ADH1B: variants seen among roughly 807,000 people sequenced by gnomAD.
ADH1B encodes the protein all-trans-retinol dehydrogenase [NAD(+)] ADH1B.
A neutral mutation model predicts 34.6 loss-of-function variants in ADH1B; 29 were observed. The ratio of observed to expected loss-of-function variants is 0.84; its 90% CI spans 0.62 to 1.14. The LOEUF (loss-of-function observed/expected upper bound fraction) is 1.14, where lower values mean the gene tolerates loss of function less well. Among genes scored for constraint, ADH1B ranks in the 50% most tolerant of loss-of-function variants. The pLI is 0.00. For missense variants in ADH1B, 424 were observed against 468.4 expected, an observed-to-expected ratio of 0.91 and a Z score of 0.87; for synonymous variants, 170 against 175.5, an observed-to-expected ratio of 0.97 and a Z score of 0.25.
At chr4:99,313,309 A>C (rs181233191) in intron 6 of ADH1B, among the ~76,000 whole-genome samples, 11 of 152,280 alleles carry the variant, frequency 7.2e-5, no homozygotes, top group African/African-American at 2.6e-4. Context: ...AAATACAGTG[A>C]TGTCTTAAAG....
chr4:99,313,733 C>T (rs1420891651), intron 6 of ADH1B, 88 bp downstream of exon 6: 3 of 1,600,938 alleles, frequency 1.9e-6, no homozygotes, highest in Non-Finnish European at 2.6e-6. Flanking sequence ...TTAAAAATAT[C>T]CTTTATACAT....
intron 8 of ADH1B, among the ~76,000 whole-genome samples, chr4:99,309,576 A>C (rs1271863210): frequency 6.6e-6 from 1 of 152,186 alleles, no homozygotes; most frequent in Non-Finnish European, 1.5e-5. Flanking sequence ...GATGATCCCA[A>C]TGATGATGTC....
Position 99,316,059 on chromosome 4 carries a change from TC to T in ADH1B, c.405del (p.Lys136SerfsTer120), listed in dbSNP as rs1335631744. 1.2e-6 allele frequency: 2 copies of T among 1,613,992 alleles called. No homozygotes were observed. Among genetic ancestry groups the T allele is most frequent in the Non-Finnish European group, 1.7e-6 (2 of 1,179,996 alleles). ...QDGTRRFTCR[G>X]KPIHHFLGTS... ...GTGCCAAGGAAGTGGTGAATGGGCTTCCCCCTGCAGGTGAACCTCCTGGTGC... is the reference window on the plus strand; with the variant it reads ...GTGCCAAGGAAGTGGTGAATGGGCTTCCCCTGCAGGTGAACCTCCTGGTGC... On this transcript the variant is annotated frameshift_variant, in exon 5 of 9. Transcript: ENST00000305046. LOFTEE classifies it high-confidence loss of function.
Position 99,314,026 on chromosome 4 carries a change from G to A in ADH1B, c.623C>T (p.Ala208Val), listed in dbSNP as rs1442109099. 8.7e-6 allele frequency: 14 copies of A among 1,614,098 alleles called. No homozygotes were observed. The Admixed American group carries it at 1.2e-4, about 13-fold the overall frequency. Residue 208 changes from alanine (A) to valine (V), a missense_variant, in exon 6 of 9, where the codon GCT (alanine) becomes GTT (valine). This residue lies in a region of ADH1B where 291 missense variants were observed against 300.4 expected (regional missense o/e 0.97). Coordinates refer to ENST00000305046, the MANE Select transcript of ADH1B (RefSeq NM_000668.6). The stretch of plus-strand genomic sequence containing the variant: ...TCCAGCTGCTTTACAGCCCATAACA[G>A]CAGATAGGCCGACCCCTCCCAGGCC... Reference protein sequence around the residue: ...VFGLGGVGLSAVMGCKAAGAA... With the variant: ...VFGLGGVGLSVVMGCKAAGAA...
intron 6 of ADH1B, chr4:99,313,574 C>A: frequency 1.9e-6 from 1 of 535,448 alleles, no homozygotes; most frequent in Non-Finnish European, 3.1e-6. Context: ...TCTATAATTG[C>A]TCAGTTAAGA....
intron 6 of ADH1B, among the ~76,000 whole-genome samples, chr4:99,312,752 C>T (rs2110632643): frequency 6.6e-6 from 1 of 152,192 alleles, no homozygotes; most frequent in African/African-American, 2.4e-5. Flanking sequence ...TTTTTGGAGG[C>T]TGAGGTAGGA....
intron 8 of ADH1B, chr4:99,310,410 G>A (rs1436861794): frequency 2.4e-6 from 1 of 412,074 alleles, no homozygotes; most frequent in Non-Finnish European, 4.7e-6. Context: ...TAGGTAGAAG[G>A]AAGAGGCTTC....
rs1298589532 is a variant in ADH1B at position 99,321,252 on chromosome 4, T to C, written c.18+62A>G. 2.2e-6 allele frequency: 3 copies of C among 1,385,532 alleles called. No homozygotes were observed. The East Asian group carries it at 7.0e-5, about 32-fold the overall frequency. The allele number at this position is 1,385,532 out of a possible 1,614,324, so 85.8% of individuals were successfully genotyped here. ...ATTTTAAATTATTCATCAAATACTG[T>C]ATTCCTTTCTTTGTTATATTGATGA... On this transcript the variant is annotated intron_variant, in intron 1 of 8. Transcript: ENST00000305046.
chr4:99,317,963 C>T, intron 3 of ADH1B, 83 bp downstream of exon 3: 1 of 1,572,694 alleles, frequency 6.4e-7, no homozygotes, highest in Admixed American at 1.9e-5. Context: ...GCACTTTCGT[C>T]TCTCATTGCC....
Position 99,307,852 on chromosome 4 carries a change from G to A in ADH1B, c.1116C>T (p.Val372=). The A allele has an allele frequency of 6.2e-7, 1 of 1,613,932 alleles. No homozygotes were observed. Among genetic ancestry groups the A allele is most frequent in the Non-Finnish European group, 8.5e-7 (1 of 1,179,884 alleles). ...LLHSGKSIRT[V]LTF is the part of the protein sequence containing the mutation. ...CATCTCTATTGCCTCAAAACGTCAG[G>A]ACGGTACGGATACTGCAATAGGAAA... Residue 372 remains valine (V), a synonymous_variant, in exon 9 of 9, where the codon GTC becomes GTT. Coordinates refer to ENST00000305046, the MANE Select transcript of ADH1B (RefSeq NM_000668.6).
chr4:99,318,904 G>A lies in ADH1B; in HGVS notation c.19-18C>T, dbSNP rs1315900428. 6.2e-7 allele frequency: 1 copy of A among 1,608,398 alleles called. No individual in the cohort carries two copies. The highest frequency in any genetic ancestry group is 8.5e-7 in the Non-Finnish European group (1 of 1,174,850). On this transcript the variant is annotated intron_variant, in intron 1 of 8. Coordinates refer to ENST00000305046, the MANE Select transcript of ADH1B (RefSeq NM_000668.6). ...TTGATTACCTAGAAAATCAAACAGA[G>A]AGATGGTGACAGTGTTTTCCCACTC... is the stretch of plus-strand genomic sequence containing the variant.
chr4:99,315,903 C>T lies in ADH1B; in HGVS notation c.562G>A (p.Ala188Thr). 1 of 1,614,222 alleles carries T rather than the reference C, an allele frequency of 6.2e-7. No homozygotes were observed. ...STGYGSAVNV[A>T]KVTPGSTCAV... ...TCACCCATTGTCATTCTCACCTTGG[C>T]AACGTTAACTGCAGACCCATAACCA... The change falls in exon 5 of 9, where the codon GCC (alanine) becomes ACC (threonine). Residue 188 changes from alanine to threonine, a missense_variant. This residue lies in a region of ADH1B where 291 missense variants were observed against 300.4 expected (regional missense o/e 0.97). Transcript: ENST00000305046.
At chr4:99,310,997 T>C in intron 7 of ADH1B, 94 bp from the exon 8 acceptor site, 3 of 1,460,748 alleles carry the variant, frequency 2.1e-6, no homozygotes, top group Non-Finnish European at 2.8e-6. Context: ...TTAGAAAAGG[T>C]GCTCCATTCC....
chr4:99,315,271 C>G (rs766874238), intron 5 of ADH1B: 4 of 154,238 alleles, frequency 2.6e-5, no homozygotes, highest in African/African-American at 7.2e-5. Flanking sequence ...AGATGAGGAG[C>G]CTTTAAAGAA....
At chr4:99,313,061 A>G (rs2018613) in intron 6 of ADH1B, among the ~76,000 whole-genome samples, 43,250 of 146,582 alleles carry the variant, frequency 0.3, 7,244 homozygotes, top group Middle Eastern at 0.39. Context: ...GAGTTTCACT[A>G]TGTCACCCAG....
chr4:99,311,507 G>A lies in ADH1B; in HGVS notation c.964+14C>T. The A allele has an allele frequency of 6.2e-7, 1 of 1,611,466 alleles. No individual in the cohort carries two copies. The highest frequency in any genetic ancestry group is 8.5e-7 in the Non-Finnish European group (1 of 1,178,802). On this transcript the variant is annotated intron_variant, in intron 7 of 8. Transcript: ENST00000305046. ...AGATTAATGAGAATTTGGCACTTGA[G>A]CCCAACTACATACCACCATAAACAG...
chr4:99,312,268 C>T (rs1733772009), intron 6 of ADH1B, among the ~76,000 whole-genome samples: 1 of 152,194 alleles, frequency 6.6e-6, no homozygotes, highest in African/African-American at 2.4e-5. Flanking sequence ...ATCCTCAGAA[C>T]ATGTGGCTGT....
intron 2 of ADH1B, 113 bp from the exon 3 acceptor site, chr4:99,318,297 T>C: frequency 7.5e-7 from 1 of 1,338,244 alleles, no homozygotes; most frequent in Non-Finnish European, 1.1e-6. Context: ...GTTTTGCTAC[T>C]AATCCCTACT....
At chr4:99,314,265 G>A (rs1409490760) in intron 5 of ADH1B, 184 bp from the exon 6 acceptor site, 3 of 1,026,634 alleles carry the variant, frequency 2.9e-6, no homozygotes, top group Admixed American at 5.8e-5. Context: ...AACTAGTTGA[G>A]TGGTTTTCAA....
Sources: gnomAD v4.1 joint callset for allele counts (sites outside exome capture counted in the v4.1 genomes callset) on GRCh38, gnomAD v4.1.1 for gene constraint, gnomAD v4.1.1 regional missense constraint, MANE v1.5 for transcripts, NCBI Gene and HGNC (gene_info 2026-07-23, HGNC 2026-07-21) for gene names.